Variants in ST3GAL1 observed in about 807,000 individuals in gnomAD.
ST3GAL1 encodes the protein ST3 beta-galactoside alpha-2,3-sialyltransferase 1.
A neutral mutation model predicts 34.1 loss-of-function variants in ST3GAL1; 16 were observed. The ratio of observed to expected loss-of-function variants is 0.47; its 90% CI spans 0.32 to 0.71. The LOEUF is 0.71. Among genes scored for constraint, ST3GAL1 ranks in the 30% least tolerant of loss-of-function variants. The pLI is 0.04. For synonymous variants in ST3GAL1, 191 were observed against 184.7 expected (o/e 1.03, Z -0.28); for missense variants, 353 against 447.4 (o/e 0.79, Z 1.90).
At chr8:133,550,659 A>G (rs913547990) in intron 1 of ST3GAL1, among the ~76,000 whole-genome samples, 1 of 152,224 alleles carries the variant, frequency 6.6e-6, no homozygotes, top group African/African-American at 2.4e-5. Flanking sequence ...GCTGGGCTTA[A>G]ACCAAGAGAC....
chr8:133,552,613 A>C (rs954033012), intron 1 of ST3GAL1, among the ~76,000 whole-genome samples: 2 of 152,198 alleles, frequency 1.3e-5, no homozygotes, highest in Admixed American at 1.3e-4. Context: ...CCAGAGGCCA[A>C]CTTGGCTGAT....
At chr8:133,551,562 G>T (rs920035417) in intron 1 of ST3GAL1, among the ~76,000 whole-genome samples, 1 of 139,202 alleles carries the variant, frequency 7.2e-6, no homozygotes, top group Non-Finnish European at 1.5e-5. Context: ...AAGAAAGAAA[G>T]AAAGAAAGAA....
intron 2 of ST3GAL1, among the ~76,000 whole-genome samples, chr8:133,536,341 C>T (rs557839881): frequency 6.6e-6 from 1 of 152,252 alleles, no homozygotes; most frequent in Non-Finnish European, 1.5e-5. Context: ...GGATGCCCTT[C>T]AGGAACAAAG....
rs1819563892 is a variant in ST3GAL1, at chr8:133,571,390, GT to G, written c.-582+302del. ...CACAGAGCTCCAGGCAGCTCCTCCA[GT>G]GTCGGCCGAAGACCCCTAAGCCCGA... On this transcript the variant is annotated intron_variant, in intron 1 of 9. Coordinates refer to ENST00000522652, the MANE Select transcript of ST3GAL1 (RefSeq NM_173344.3). This position sits in a 1 kb window ranked among gnomAD's most constrained non-coding sequence, Gnocchi z 6.7. Among the ~76,000 whole-genome samples, 1 of 152,156 alleles carries G rather than the reference GT, an allele frequency of 6.6e-6. No individual in the cohort carries two copies. The highest frequency in any genetic ancestry group is 2.4e-5 in the African/African-American group (1 of 41,448).
chr8:133,482,530 C>T (rs1652016730), intron 3 of ST3GAL1, among the ~76,000 whole-genome samples: 1 of 152,228 alleles, frequency 6.6e-6, no homozygotes, highest in African/African-American at 2.4e-5. Context: ...CACCACCTCC[C>T]TGCCCCACCC....
Position 133,466,838 on chromosome 8 carries a change from C to T in ST3GAL1, c.307-748G>A, listed in dbSNP as rs1241430885. On this transcript the variant is annotated intron_variant, in intron 5 of 9. Coordinates refer to ENST00000522652, the MANE Select transcript of ST3GAL1 (RefSeq NM_173344.3). This position sits in a 1 kb window ranked among gnomAD's most constrained non-coding sequence, Gnocchi z 4.4. ...CCTGGGCCAGGTGCGGTGGCTCACA[C>T]CTGTAATCCCAGCACTTTGGGAGAC... 2.0e-5 allele frequency among the ~76,000 whole-genome samples: 3 copies of T among 152,172 alleles called. No homozygotes were observed. The highest frequency in any genetic ancestry group is 4.4e-5 in the Non-Finnish European group (3 of 68,016).
At chr8:133,497,474 T>G (rs909318102) in intron 3 of ST3GAL1, among the ~76,000 whole-genome samples, 7 of 142,812 alleles carry the variant, frequency 4.9e-5, no homozygotes, top group Non-Finnish European at 9.1e-5. Flanking sequence ...TTTTTTTTTT[T>G]TTTTTTTTTT....
At chr8:133,551,622 GAGCA>G (rs1333465734) in intron 1 of ST3GAL1, among the ~76,000 whole-genome samples, 6 of 151,126 alleles carry the variant, frequency 4.0e-5, no homozygotes, top group African/African-American at 7.3e-5. Context: ...AAGAAAGAGC[GAGCA>G]AGCCTTTCTC....
intron 3 of ST3GAL1, chr8:133,488,348 C>A (rs1436525880): frequency 1.3e-5 from 2 of 152,234 alleles, no homozygotes; most frequent in Non-Finnish European, 2.9e-5. Flanking sequence ...TGTGGTTAAG[C>A]TCTCCAATCA....
At chr8:133,560,739 A>G (rs957843984) in intron 1 of ST3GAL1, among the ~76,000 whole-genome samples, 1 of 152,180 alleles carries the variant, frequency 6.6e-6, no homozygotes, top group Non-Finnish European at 1.5e-5. Context: ...ATTACGTTGC[A>G]TGGGGCCTGA....
rs555541783 is a variant in ST3GAL1 at position 133,508,499 on chromosome 8, C to T, written c.-428-9310G>A. ...CCTGGAACACTTCCTCTGCAATCTA[C>T]GTGCACGGAGTCCCAGACTCAGGTT... On this transcript the variant is annotated intron_variant, in intron 2 of 9. Transcript: ENST00000522652. This position sits in a 1 kb window ranked among gnomAD's most constrained non-coding sequence, Gnocchi z 4.1. 3.9e-5 allele frequency among the ~76,000 whole-genome samples: 6 copies of T among 152,180 alleles called. No individual in the cohort carries two copies. Among genetic ancestry groups the T allele is most frequent in the Non-Finnish European group, 1.5e-5 (1 of 68,038 alleles).
chr8:133,554,969 T>C lies in ST3GAL1; in HGVS notation c.-581-9043A>G, dbSNP rs112746635. Among the ~76,000 whole-genome samples the C allele has an allele frequency of 6.6e-3, 1,005 of 152,142 alleles. 15 individuals carry two copies. Among genetic ancestry groups the C allele is most frequent in the African/African-American group, 0.023 (949 of 41,496 alleles). Reference sequence around the variant, plus strand: ...GTCTCGAGCTCCTGACCTCGTGATCTGCCAGCCACGGCCTCCCAAAGTGCT... The same window carrying C: ...GTCTCGAGCTCCTGACCTCGTGATCCGCCAGCCACGGCCTCCCAAAGTGCT... On this transcript the variant is annotated intron_variant, in intron 1 of 9. Transcript: ENST00000522652.
At chr8:133,553,052 G>A (rs2131089719) in intron 1 of ST3GAL1, among the ~76,000 whole-genome samples, 1 of 152,198 alleles carries the variant, frequency 6.6e-6, no homozygotes, top group South Asian at 2.1e-4. Context: ...ATATCCCTTT[G>A]TGCTCAAAGG....
rs1563688133 is a variant in ST3GAL1, at chr8:133,455,702, TGTCCAG to T, written c.*4056_*4061del. Reference sequence around the variant, plus strand: ...CTGGTTCCTGATGGTGCATGGCTGGTGTCCAGTCATCTTTAGCTGGGCAGTGGCCCC... The same window carrying T: ...CTGGTTCCTGATGGTGCATGGCTGGTTCATCTTTAGCTGGGCAGTGGCCCC... On this transcript the variant is annotated 3_prime_UTR_variant, in exon 10 of 10. Transcript: ENST00000522652. 1 of 152,288 alleles carries T rather than the reference TGTCCAG, an allele frequency of 6.6e-6. No individual in the cohort carries two copies. Among genetic ancestry groups the T allele is most frequent in the Non-Finnish European group, 1.5e-5 (1 of 68,098 alleles). 9.4% of individuals were successfully genotyped at this position (152,288 alleles called of 1,614,324 possible).
intron 2 of ST3GAL1, among the ~76,000 whole-genome samples, chr8:133,540,083 C>T (rs1053967888): frequency 5.3e-5 from 8 of 152,106 alleles, no homozygotes; most frequent in Non-Finnish European, 1.0e-4. Flanking sequence ...ATGAGAAGCT[C>T]CCCCGCTCTT....
chr8:133,564,480 TTCTC>T (rs1819332845), intron 1 of ST3GAL1, among the ~76,000 whole-genome samples: 1 of 149,996 alleles, frequency 6.7e-6, no homozygotes, highest in Non-Finnish European at 1.5e-5. Flanking sequence ...TTTCTTGTCA[TTCTC>T]TCCTTTGGCA....
At chr8:133,526,467 C>T (rs1005848230) in intron 2 of ST3GAL1, among the ~76,000 whole-genome samples, 4 of 152,168 alleles carry the variant, frequency 2.6e-5, no homozygotes, top group Non-Finnish European at 4.4e-5. Context: ...TTTGCTCCAA[C>T]CAGCCAGCAT....
At chr8:133,485,795 G>A (rs7838807) in intron 3 of ST3GAL1, among the ~76,000 whole-genome samples, 138,600 of 151,974 alleles carry the variant, frequency 0.91, 63,606 homozygotes, top group East Asian at 1. Context: ...AGCTTTGGGG[G>A]GGATAGAAGG....
intron 1 of ST3GAL1, among the ~76,000 whole-genome samples, chr8:133,563,535 G>C (rs1487738529): frequency 6.6e-6 from 1 of 152,138 alleles, no homozygotes; most frequent in African/African-American, 2.4e-5. Context: ...AACTGAGGCG[G>C]GATAGGTAGT....
Sources: gnomAD v4.1 joint callset for allele counts (sites outside exome capture counted in the v4.1 genomes callset) on GRCh38, gnomAD v4.1.1 for gene constraint, Gnocchi (gnomAD v3.1) non-coding constraint, MANE v1.5 for transcripts, NCBI Gene and HGNC (gene_info 2026-07-23, HGNC 2026-07-21) for gene names.